NDUFS7: variants seen among roughly 807,000 people sequenced by gnomAD.
NDUFS7 encodes the protein NADH dehydrogenase [ubiquinone] iron-sulfur protein 7, mitochondrial.
In NDUFS7, 11 loss-of-function variants were observed where a neutral mutation model predicts 31.1. That is an observed-to-expected ratio of 0.35 (90% CI 0.22 to 0.59). NDUFS7 has a LOEUF of 0.59. Ranked by LOEUF, NDUFS7 falls within the 20% of genes least tolerant of loss-of-function variation. The pLI is 0.79. For missense variants in NDUFS7, 263 were observed against 324.2 expected, an observed-to-expected ratio of 0.81 and a Z score of 1.45; for synonymous variants, 136 against 127.9, an observed-to-expected ratio of 1.06 and a Z score of -0.43.
At chr19:1,395,184 C>T in intron 7 of NDUFS7, 1 of 1,420,996 alleles carries the variant, frequency 7.0e-7, no homozygotes, top group Non-Finnish European at 9.2e-7. Context: ...GGCAGTGGGG[C>T]CTTGCCCAGG....
intron 7 of NDUFS7, 177 bp from the exon 8 acceptor site, chr19:1,395,214 G>C: frequency 7.0e-7 from 1 of 1,429,574 alleles, no homozygotes; most frequent in Non-Finnish European, 9.1e-7. Flanking sequence ...CACTCTTCCT[G>C]CAGGGACCTC....
Position 1,393,494 on chromosome 19 carries a change from C to G in NDUFS7, c.544+164C>G. 1.4e-6 allele frequency: 1 copy of G among 699,610 alleles called. No individual in the cohort carries two copies. The highest frequency in any genetic ancestry group is 2.6e-6 in the Non-Finnish European group (1 of 385,186). 43.3% of individuals were successfully genotyped at this position (699,610 alleles called of 1,614,324 possible). On this transcript the variant is annotated intron_variant, in intron 7 of 7. Transcript: ENST00000233627. The surrounding 1 kb of genome is among the most constrained non-coding windows in gnomAD (Gnocchi z 7.3). Reference sequence around the variant, plus strand: ...GCGCTGCCTCTTAGTGGAGCCTGTCCCCTGTGAGAAGTCGGCGATGTATTC... The same window carrying G: ...GCGCTGCCTCTTAGTGGAGCCTGTCGCCTGTGAGAAGTCGGCGATGTATTC...
intron 3 of NDUFS7, 69 bp downstream of exon 3, chr19:1,388,662 T>C: frequency 6.5e-7 from 1 of 1,531,500 alleles, no homozygotes; most frequent in Non-Finnish European, 8.9e-7. Context: ...ATTTTCTGCA[T>C]CAGTGCCGCA....
intron 4 of NDUFS7, chr19:1,389,607 C>T (rs762079319): frequency 3.0e-5 from 13 of 435,304 alleles, no homozygotes; most frequent in East Asian, 7.2e-5. Flanking sequence ...TTAAAAGGAG[C>T]GCGTGTGAAG....
chr19:1,388,471 G>T, intron 2 of NDUFS7, 54 bp from the exon 3 acceptor site: 2 of 1,521,904 alleles, frequency 1.3e-6, no homozygotes, highest in South Asian at 1.1e-5. Context: ...AGTGCGGCTG[G>T]GGGAGCTGGA....
intron 6 of NDUFS7, among the ~76,000 whole-genome samples, chr19:1,391,381 A>AC (rs1318531826): frequency 6.6e-6 from 1 of 151,380 alleles, no homozygotes; most frequent in Non-Finnish European, 1.5e-5. Context: ...CACGCAGCAG[A>AC]CCCCACATTC....
intron 6 of NDUFS7, chr19:1,392,888 C>T (rs1441351738): frequency 8.2e-6 from 3 of 364,502 alleles, no homozygotes; most frequent in South Asian, 2.5e-5. Context: ...GAGGGTGAGG[C>T]TCAGCCGCCC....
At chr19:1,387,717 C>G (rs1246822589) in intron 1 of NDUFS7, 94 bp from the exon 2 acceptor site, 1 of 1,142,622 alleles carries the variant, frequency 8.8e-7, no homozygotes, top group Non-Finnish European at 1.3e-6. Flanking sequence ...CAGAGCTAGG[C>G]TGTGCGGGCA....
At chr19:1,394,263 A>C in intron 7 of NDUFS7, 1 of 863,400 alleles carries the variant, frequency 1.2e-6, no homozygotes, top group Non-Finnish European at 1.6e-6. Flanking sequence ...CCCCGGGGGC[A>C]GTGGAGAGGG....
chr19:1,394,585 G>C (rs1449996267), intron 7 of NDUFS7: 5 of 1,209,336 alleles, frequency 4.1e-6, no homozygotes, highest in South Asian at 1.4e-5. Flanking sequence ...TGCGGACCGC[G>C]CTCGGCCCTC....
intron 4 of NDUFS7, chr19:1,389,927 G>T: frequency 4.9e-6 from 1 of 205,566 alleles, no homozygotes; most frequent in South Asian, 6.8e-5. Context: ...TTTTTGAGAC[G>T]GAGGCTCGCT....
chr19:1,385,278 G>T (rs1275925748), intron 1 of NDUFS7, among the ~76,000 whole-genome samples: 2 of 152,204 alleles, frequency 1.3e-5, no homozygotes, highest in Non-Finnish European at 2.9e-5. Context: ...ACTTTGGAAG[G>T]CCAAGGTGGG....
chr19:1,384,958 G>C (rs1028272130), intron 1 of NDUFS7, among the ~76,000 whole-genome samples: 2 of 152,170 alleles, frequency 1.3e-5, no homozygotes, highest in East Asian at 1.9e-4. Context: ...GGGACCACAG[G>C]TGTGCGCCAC....
At chr19:1,389,463 G>A in intron 4 of NDUFS7, 1 of 457,764 alleles carries the variant, frequency 2.2e-6, no homozygotes, top group South Asian at 1.5e-5. Context: ...AGGCCCCTGT[G>A]CTGGCCTGGT....
intron 6 of NDUFS7, chr19:1,391,925 T>G (rs998439114): frequency 1.3e-5 from 2 of 151,604 alleles, no homozygotes; most frequent in African/African-American, 4.9e-5. Context: ...CTCAGCCCAC[T>G]ACAACCTCCG....
Position 1,393,616 on chromosome 19 carries a change from A to G in NDUFS7, c.544+286A>G. 11 of 603,664 alleles carry G rather than the reference A, an allele frequency of 1.8e-5. No individual in the cohort carries two copies. In the South Asian group the frequency reaches 2.1e-4, roughly 12 times the overall value. The allele number at this position is 603,664 out of a possible 1,614,324, so 37.4% of individuals were successfully genotyped here. A position where few individuals can be genotyped will look rare whatever the true frequency, so the allele number is the denominator to read the frequency against. On this transcript the variant is annotated intron_variant, in intron 7 of 7. Coordinates refer to ENST00000233627, the MANE Select transcript of NDUFS7 (RefSeq NM_024407.5). The surrounding 1 kb of genome is among the most constrained non-coding windows in gnomAD (Gnocchi z 7.3). ...TTTCATATGGTCCTACCTGGCACAA[A>G]CCAAAGACCTGCAGTTAGAAATACC...
rs570647644 is a variant in NDUFS7, at chr19:1,394,256, C to T, written c.544+926C>T. The T allele has an allele frequency of 5.2e-5, 41 of 795,706 alleles. No individual in the cohort carries two copies. The African/African-American group carries it at 6.1e-4, about 12-fold the overall frequency. 49.3% of individuals were successfully genotyped at this position (795,706 alleles called of 1,614,324 possible). A position where few individuals can be genotyped will look rare whatever the true frequency, so the allele number is the denominator to read the frequency against. ...GCGTTCTGCACGGTTCAGGTCACCC[C>T]GGGGGCAGTGGAGAGGGCAGCCTGG... On this transcript the variant is annotated intron_variant, in intron 7 of 7. Coordinates refer to ENST00000233627, the MANE Select transcript of NDUFS7 (RefSeq NM_024407.5).
At chr19:1,389,781 G>A (rs1207523579) in intron 4 of NDUFS7, 5 of 334,046 alleles carry the variant, frequency 1.5e-5, no homozygotes, top group Non-Finnish European at 2.3e-5. Context: ...ATTGATGGAC[G>A]TTCACTGTTT....
intron 4 of NDUFS7, chr19:1,389,175 AC>A (rs1302364721): frequency 5.8e-6 from 4 of 694,076 alleles, no homozygotes; most frequent in Non-Finnish European, 1.0e-5. Context: ...ACTTGCACAC[AC>A]ATGCACACAC....
Sources: gnomAD v4.1 joint callset for allele counts (sites outside exome capture counted in the v4.1 genomes callset) on GRCh38, gnomAD v4.1.1 for gene constraint, Gnocchi (gnomAD v3.1) non-coding constraint, MANE v1.5 for transcripts, NCBI Gene and HGNC (gene_info 2026-07-23, HGNC 2026-07-21) for gene names.